ADAMTS16: variants seen among roughly 807,000 people sequenced by gnomAD.
The protein encoded by ADAMTS16 is ADAM metallopeptidase with thrombospondin type 1 motif 16.
In ADAMTS16, 94 loss-of-function variants were observed where a neutral mutation model predicts 145.8. That is an observed-to-expected ratio of 0.64 (90% CI 0.55 to 0.77). The LOEUF (loss-of-function observed/expected upper bound fraction) is 0.77. Ranked by LOEUF, ADAMTS16 falls within the 30% of genes least tolerant of loss-of-function variation. ADAMTS16 has a pLI of 0.00. For synonymous variants in ADAMTS16, 659 were observed against 604.3 expected (o/e 1.09, Z -1.33); for missense variants, 1,585 against 1,591.5 (o/e 1.00, Z 0.07).
At chr5:5,190,300 C>T (rs551818882) in intron 7 of ADAMTS16, among the ~76,000 whole-genome samples, 170 bp downstream of exon 7, 9 of 152,244 alleles carry the variant, frequency 5.9e-5, no homozygotes, top group Middle Eastern at 3.4e-3. Context: ...CATAGAAGTA[C>T]GCTTGCATTC....
intron 10 of ADAMTS16, among the ~76,000 whole-genome samples, chr5:5,219,461 G>T (rs1053224939): frequency 2.0e-5 from 3 of 151,944 alleles, no homozygotes; most frequent in Non-Finnish European, 4.4e-5. Flanking sequence ...TCACTTCCAC[G>T]TGTGAATGAG....
chr5:5,226,647 G>A (rs527618926), intron 11 of ADAMTS16, among the ~76,000 whole-genome samples: 5 of 152,178 alleles, frequency 3.3e-5, no homozygotes, highest in South Asian at 2.1e-4. Flanking sequence ...TGTGGCCAGC[G>A]GTCAGTATCC....
At chr5:5,203,433 A>C (rs1307384170) in intron 9 of ADAMTS16, among the ~76,000 whole-genome samples, 4 of 152,242 alleles carry the variant, frequency 2.6e-5, no homozygotes, top group African/African-American at 9.6e-5. Flanking sequence ...ACAATGAGCA[A>C]GGATAAATGG....
intron 21 of ADAMTS16, among the ~76,000 whole-genome samples, chr5:5,307,980 G>GTT (rs1429525549): frequency 6.6e-6 from 1 of 152,176 alleles, no homozygotes; most frequent in Non-Finnish European, 1.5e-5. Context: ...TATTGTCATG[G>GTT]GGGCTGAATG....
intron 13 of ADAMTS16, among the ~76,000 whole-genome samples, chr5:5,235,780 A>G (rs1390286345): frequency 3.3e-5 from 5 of 152,140 alleles, no homozygotes; most frequent in African/African-American, 9.7e-5. Context: ...GAGAAATTCA[A>G]AGAAAACCTA....
At chr5:5,207,328 A>G (rs1340673109) in intron 9 of ADAMTS16, among the ~76,000 whole-genome samples, 1 of 152,058 alleles carries the variant, frequency 6.6e-6, no homozygotes, top group Non-Finnish European at 1.5e-5. Flanking sequence ...CTAATTTTCA[A>G]TAAATTCTGT....
chr5:5,154,690 T>A (rs1734559730), intron 3 of ADAMTS16, among the ~76,000 whole-genome samples: 1 of 152,182 alleles, frequency 6.6e-6, no homozygotes, highest in Non-Finnish European at 1.5e-5. Flanking sequence ...TGTCTTCAGA[T>A]TCTCTGTCCA....
chr5:5,183,367 G>C (rs866836931), intron 4 of ADAMTS16, among the ~76,000 whole-genome samples: 44 of 152,336 alleles, frequency 2.9e-4, no homozygotes, highest in South Asian at 2.1e-3. Flanking sequence ...CGAGGCTGCC[G>C]TGACCGGCAG....
chr5:5,181,459 A>C (rs1317280685), intron 3 of ADAMTS16, among the ~76,000 whole-genome samples: 1 of 152,190 alleles, frequency 6.6e-6, no homozygotes, highest in African/African-American at 2.4e-5. Flanking sequence ...TTTTTATAAA[A>C]TCACTGCTTT....
rs72647758 is a variant in ADAMTS16, at chr5:5,238,984, A to G, written c.2155-167A>G. On this transcript the variant is annotated intron_variant, in intron 14 of 22. Transcript: ENST00000274181. The stretch of plus-strand genomic sequence containing the variant: ...CTACATTTTTGAAGGGTAACACTGT[A>G]GCCCCGCTGTGCACATATTAGGTAT... Among the ~76,000 whole-genome samples, 1,509 of 152,362 alleles carry G rather than the reference A, an allele frequency of 9.9e-3. 9 individuals are homozygous for G. The highest frequency in any genetic ancestry group is 0.015 in the Non-Finnish European group (1,046 of 68,040).
chr5:5,311,667 C>T (rs945032124), intron 21 of ADAMTS16, among the ~76,000 whole-genome samples: 2 of 151,992 alleles, frequency 1.3e-5, no homozygotes, highest in Non-Finnish European at 2.9e-5. Flanking sequence ...CTGTCTCAGC[C>T]CCCCGAGTAG....
chr5:5,178,201 A>C (rs955174035), intron 3 of ADAMTS16, among the ~76,000 whole-genome samples: 3 of 152,344 alleles, frequency 2.0e-5, no homozygotes, highest in Admixed American at 2.0e-4. Context: ...TTATGAAGGC[A>C]ATATAAGTGT....
At chr5:5,273,931 G>T (rs181976451) in intron 18 of ADAMTS16, among the ~76,000 whole-genome samples, 1 of 152,288 alleles carries the variant, frequency 6.6e-6, no homozygotes, top group African/African-American at 2.4e-5. Flanking sequence ...CTAGAAATGT[G>T]CCTTAAGTAG....
At chr5:5,271,425 C>T (rs944749700) in intron 18 of ADAMTS16, among the ~76,000 whole-genome samples, 1 of 152,278 alleles carries the variant, frequency 6.6e-6, no homozygotes, top group South Asian at 2.1e-4. Flanking sequence ...CTCCCTCACA[C>T]GGAGGCTCCT....
intron 10 of ADAMTS16, among the ~76,000 whole-genome samples, chr5:5,210,507 A>T (rs1736246380): frequency 6.6e-6 from 1 of 152,166 alleles, no homozygotes; most frequent in South Asian, 2.1e-4. Flanking sequence ...GACACGTTTT[A>T]TTTGCATAAG....
chr5:5,244,060 T>C (rs1441415100), intron 17 of ADAMTS16, among the ~76,000 whole-genome samples: 3 of 152,220 alleles, frequency 2.0e-5, no homozygotes, highest in Non-Finnish European at 2.9e-5. Context: ...GTACAGGATG[T>C]CTGTATTTCC....
At chr5:5,265,979 TAAA>T (rs1482855750) in intron 18 of ADAMTS16, among the ~76,000 whole-genome samples, 7 of 134,698 alleles carry the variant, frequency 5.2e-5, no homozygotes, top group African/African-American at 1.1e-4. Flanking sequence ...AAATTAGACT[TAAA>T]GAAGTGTGTG....
At chr5:5,163,862 G>GGCCA (rs1734798961) in intron 3 of ADAMTS16, among the ~76,000 whole-genome samples, 1 of 152,188 alleles carries the variant, frequency 6.6e-6, no homozygotes, top group African/African-American at 2.4e-5. Flanking sequence ...TTCCTGCAGA[G>GGCCA]GCCATGTCCT....
chr5:5,204,035 C>T (rs774964878), intron 9 of ADAMTS16, among the ~76,000 whole-genome samples: 10 of 152,102 alleles, frequency 6.6e-5, no homozygotes, highest in South Asian at 2.1e-4. Context: ...GTTGTCTCTG[C>T]AGTGCCAGGG....
Sources: allele counts gnomAD v4.1 joint callset (sites outside exome capture counted in the v4.1 genomes callset), GRCh38; gene constraint gnomAD v4.1.1; transcripts MANE v1.5; gene names NCBI Gene and HGNC (gene_info 2026-07-23, HGNC 2026-07-21).